Variants in CDH24 observed in about 807,000 individuals in gnomAD.
CDH24 encodes cadherin-24.
A neutral mutation model predicts 71.2 loss-of-function variants in CDH24; 61 were observed. The ratio of observed to expected loss-of-function variants is 0.86; its 90% CI spans 0.70 to 1.06. CDH24 has a LOEUF of 1.06. Ranked by LOEUF, CDH24 falls within the 50% of genes least tolerant of loss-of-function variation. CDH24 has a pLI of 0.00. For missense variants in CDH24, 961 were observed against 1,083.7 expected, an observed-to-expected ratio of 0.89 and a Z score of 1.59; for synonymous variants, 440 against 470.2, an observed-to-expected ratio of 0.94 and a Z score of 0.83.
chr14:23,054,992 G>C lies in CDH24; in HGVS notation c.496+67C>G. On this transcript the variant is annotated intron_variant, in intron 3 of 12. Transcript: ENST00000487137. The surrounding 1 kb of genome is among the most constrained non-coding windows in gnomAD (Gnocchi z 5.2). ...GGGCAGGTTCTGGGGCAGACAACAA[G>C]AAGGGAAGGAGAGGTGAGAGAGCTC... 1 of 1,589,902 alleles carries C rather than the reference G, an allele frequency of 6.3e-7. No individual in the cohort carries two copies.
rs761688751 is a variant in CDH24, at chr14:23,054,724, G to A, written c.616+23C>T. Reference sequence around the variant, plus strand: ...TGTCTGTCCCCTTGGCTGCCCCACCGGGCTCCCAGGCTCCATCCTCACCAG... The same window carrying A: ...TGTCTGTCCCCTTGGCTGCCCCACCAGGCTCCCAGGCTCCATCCTCACCAG... On this transcript the variant is annotated intron_variant, in intron 4 of 12. Transcript: ENST00000487137. The surrounding 1 kb of genome is among the most constrained non-coding windows in gnomAD (Gnocchi z 5.2). 5.0e-6 allele frequency: 8 copies of A among 1,613,896 alleles called. No individual in the cohort carries two copies. The highest frequency in any genetic ancestry group is 4.5e-5 in the East Asian group (2 of 44,892).
In CDH24 at chr14:23,048,071, G is replaced by GC. The variant is rs766349037; in HGVS notation, c.2254dup (p.Ala752GlyfsTer105). On this transcript the variant is annotated frameshift_variant, in exon 12 of 13. Coordinates refer to ENST00000487137, the MANE Select transcript of CDH24 (RefSeq NM_144985.4). LOFTEE classifies it high-confidence loss of function. ...GTCCAGCGGCTCCGCGGGGCCGGGG[G>GC]CGCCGCCGGCTTCGCTGCCGGAGCC... 2.8e-6 allele frequency: 4 copies of GC among 1,426,710 alleles called. No homozygotes were observed. In the South Asian group the frequency reaches 5.5e-5, roughly 20 times the overall value. The allele number at this position is 1,426,710 out of a possible 1,614,324, so 88.4% of individuals were successfully genotyped here.
chr14:23,052,239 C>A, intron 8 of CDH24: 1 of 719,876 alleles, frequency 1.4e-6, no homozygotes, highest in South Asian at 1.5e-5. Context: ...CCCAGCCCAG[C>A]CTAGGGGACT....
chr14:23,047,877 G>C lies in CDH24; in HGVS notation c.*103C>G. On this transcript the variant is annotated 3_prime_UTR_variant, in exon 12 of 13. Coordinates refer to ENST00000487137, the MANE Select transcript of CDH24 (RefSeq NM_144985.4). ...GGACACAAGGACAGGGAGGAGGCCT[G>C]GGGCCCCTGGGCTGCTGCCGCCCGC... is the stretch of plus-strand genomic sequence containing the variant. 2.2e-6 allele frequency: 2 copies of C among 894,406 alleles called. No homozygotes were observed. The highest frequency in any genetic ancestry group is 3.0e-6 in the Non-Finnish European group (2 of 676,612). 55.4% of individuals were successfully genotyped at this position (894,406 alleles called of 1,614,324 possible).
At position 23,049,015 on chromosome 14, in the gene CDH24, G is replaced by T; in HGVS notation, c.1846+12C>A. The T allele has an allele frequency of 6.2e-7, 1 of 1,609,954 alleles. No homozygotes were observed. The highest frequency in any genetic ancestry group is 1.1e-5 in the South Asian group (1 of 90,632). ...AGATCGCACAGCTATGTACCACTGT[G>T]GCCTGACTCACCAAGCAGGGCACCC... On this transcript the variant is annotated intron_variant, in intron 11 of 12. Transcript: ENST00000487137.
At chr14:23,049,396 C>A in intron 10 of CDH24, 121 bp from the exon 11 acceptor site, 1 of 952,144 alleles carries the variant, frequency 1.1e-6, no homozygotes, top group Admixed American at 2.6e-5. Context: ...ATAGGTCCAG[C>A]CCATAGAGCC....
At position 23,047,613 on chromosome 14, in the gene CDH24, T is replaced by G. The variant is rs914773701; in HGVS notation, c.*367A>C. 2 of 180,144 alleles carry G rather than the reference T, an allele frequency of 1.1e-5. No homozygotes were observed. 11.2% of individuals were successfully genotyped at this position (180,144 alleles called of 1,614,324 possible). A position where few individuals can be genotyped will look rare whatever the true frequency, so the allele number is the denominator to read the frequency against. Reference sequence around the variant, plus strand: ...GGGCAGGAGACAGACACAGAGCATGTGTATGGGCAAGGAAGACGCAGGGAG... The same window carrying G: ...GGGCAGGAGACAGACACAGAGCATGGGTATGGGCAAGGAAGACGCAGGGAG... On this transcript the variant is annotated 3_prime_UTR_variant, in exon 12 of 13. Transcript: ENST00000487137.
rs1005847331 is a variant in CDH24, at chr14:23,051,197, A to G, written c.1364-1254T>C. Among the ~76,000 whole-genome samples, 5 of 152,210 alleles carry G rather than the reference A, an allele frequency of 3.3e-5. No homozygotes were observed. The highest frequency in any genetic ancestry group is 1.2e-4 in the African/African-American group (5 of 41,450). ...TATGCACACAGTTGCATGTATAGAA[A>G]CATAAACCTAGACACATAGCATTAA... is the stretch of plus-strand genomic sequence containing the variant. On this transcript the variant is annotated intron_variant, in intron 8 of 12. Transcript: ENST00000487137. The surrounding 1 kb of genome is among the most constrained non-coding windows in gnomAD (Gnocchi z 4.4).
Position 23,055,527 on chromosome 14 carries a change from C to T in CDH24, c.201+6G>A, listed in dbSNP as rs1458833615. On this transcript the variant is annotated splice_donor_region_variant and intron_variant, in intron 2 of 12. Transcript: ENST00000487137. The surrounding 1 kb of genome is among the most constrained non-coding windows in gnomAD (Gnocchi z 4.1). ...TCAGAGTAGACATGGGAGGGGTCAT[C>T]CTTACCTTGCCAATGAGAACAGGCT... 4 of 1,613,572 alleles carry T rather than the reference C, an allele frequency of 2.5e-6. No individual in the cohort carries two copies. The Admixed American group carries it at 6.7e-5, about 27-fold the overall frequency.
At position 23,055,660 on chromosome 14, in the gene CDH24, G is replaced by A; in HGVS notation, c.74C>T (p.Ala25Val). The change falls in exon 2 of 13, where the codon GCC becomes GTC. Residue 25 changes from alanine to valine, a missense_variant. Physicochemically the swap from Ala to Val is moderately conservative, Grantham distance 64. Around this residue, in one of 2 missense-constraint regions of CDH24, gnomAD observed 671 missense variants for 810.9 expected, o/e 0.83. Transcript: ENST00000487137. The surrounding 1 kb of genome is among the most constrained non-coding windows in gnomAD (Gnocchi z 4.1). The stretch of plus-strand genomic sequence containing the variant: ...TTCCCGGGACCCTGCCCAGGCCCGG[G>A]CTGGGGCTGCCAGACGCCCCATGCA... ...WGCMGRLAAP[A>V]RAWAGSREHP... The A allele has an allele frequency of 6.2e-7, 1 of 1,608,880 alleles. No homozygotes were observed. Among genetic ancestry groups the A allele is most frequent in the Non-Finnish European group, 8.5e-7 (1 of 1,178,314 alleles).
Position 23,055,115 on chromosome 14 carries a change from G to A in CDH24, c.440C>T (p.Pro147Leu), listed in dbSNP as rs1297289313. The change falls in exon 3 of 13, where the codon CCA (proline) becomes CTA (leucine). Residue 147 changes from proline to leucine, a missense_variant. Coordinates refer to ENST00000487137, the MANE Select transcript of CDH24 (RefSeq NM_144985.4). The surrounding 1 kb of genome is among the most constrained non-coding windows in gnomAD (Gnocchi z 4.1). Reference sequence around the variant, plus strand: ...GTAGGGCCCAAGGGGAAAAATGGGTGGATTGTCGTTGATGTCTTGCACTTT... The same window carrying A: ...GTAGGGCCCAAGGGGAAAAATGGGTAGATTGTCGTTGATGTCTTGCACTTT... ...IIKVQDINDN[P>L]PIFPLGPYHA... 1.2e-6 allele frequency: 2 copies of A among 1,614,012 alleles called. No homozygotes were observed. Among genetic ancestry groups the A allele is most frequent in the Non-Finnish European group, 1.7e-6 (2 of 1,179,956 alleles).
At chr14:23,053,845 G>T in intron 6 of CDH24, 96 bp from the exon 7 acceptor site, 2 of 1,235,552 alleles carry the variant, frequency 1.6e-6, no homozygotes, top group Non-Finnish European at 2.2e-6. Flanking sequence ...TCACATGCAT[G>T]CAGTGCTCAG....
In CDH24 at chr14:23,048,254, G is replaced by A. The variant is rs1413710430; in HGVS notation, c.2072C>T (p.Ser691Leu). Reference sequence around the variant, plus strand: ...GGGGCCGGGGGGTCTGGGCTGGCGCGACACCCGGGCCCGGGGCAACACGTC... The same window carrying A: ...GGGGCCGGGGGGTCTGGGCTGGCGCAACACCCGGGCCCGGGGCAACACGTC... ...RRDVLPRARV[S>L]RQPRPPGPAD... Residue 691 changes from serine (S) to leucine (L), a missense_variant, in exon 12 of 13, where the codon TCG becomes TTG. Ser to Leu is a moderately radical substitution (Grantham distance 145). Around this residue, in one of 2 missense-constraint regions of CDH24, gnomAD observed 290 missense variants for 272.8 expected, o/e 1.06. Transcript: ENST00000487137. The A allele has an allele frequency of 7.0e-7, 1 of 1,419,534 alleles. No homozygotes were observed. Among genetic ancestry groups the A allele is most frequent in the Non-Finnish European group, 9.1e-7 (1 of 1,094,150 alleles). The allele number at this position is 1,419,534 out of a possible 1,614,324, so 87.9% of individuals were successfully genotyped here. A position where few individuals can be genotyped will look rare whatever the true frequency, so the allele number is the denominator to read the frequency against.
At chr14:23,052,161 T>A in intron 8 of CDH24, 1 of 874,982 alleles carries the variant, frequency 1.1e-6, no homozygotes. Context: ...TATTTCTGGG[T>A]TGGGGCAAGT....
intron 8 of CDH24, chr14:23,052,268 C>A: frequency 1.4e-6 from 1 of 739,416 alleles, no homozygotes; most frequent in Non-Finnish European, 2.3e-6. Context: ...AGGAGGCCCG[C>A]CCTGCCTGGT....
In CDH24 at chr14:23,054,312, G is replaced by A. The variant is rs1318738805; in HGVS notation, c.801C>T (p.Ser267=). Reference sequence around the variant, plus strand: ...TGCCAGGTCCAGCTGTCTCCACCACGGAGAACTGGTATAGGCCTTGGGATG... The same window carrying A: ...TGCCAGGTCCAGCTGTCTCCACCACAGAGAACTGGTATAGGCCTTGGGATG... ...PKFPQSLYQF[S]VVETAGPGTL... is the part of the protein sequence containing the mutation. The change falls in exon 6 of 13, where the codon TCC becomes TCT. Residue 267 remains serine (S), a synonymous_variant. Coordinates refer to ENST00000487137, the MANE Select transcript of CDH24 (RefSeq NM_144985.4). The surrounding 1 kb of genome is among the most constrained non-coding windows in gnomAD (Gnocchi z 5.2). 3.1e-6 allele frequency: 5 copies of A among 1,604,984 alleles called. No individual in the cohort carries two copies. Among genetic ancestry groups the A allele is most frequent in the Non-Finnish European group, 4.3e-6 (5 of 1,174,508 alleles).
chr14:23,047,994 G>C lies in CDH24; in HGVS notation c.2332C>G (p.Pro778Ala). The change falls in exon 12 of 13, where the codon CCC (proline) becomes GCC (alanine). Residue 778 changes from proline (P) to alanine (A), a missense_variant. Coordinates refer to ENST00000487137, the MANE Select transcript of CDH24 (RefSeq NM_144985.4). ...AGCCCGGGCGCTCAGGGGGCCGGGG[G>C]CTCCTTGGCCCCATACAGCTCGGCC... ...TLAELYGAKE[P>A]PAP 1 of 1,372,140 alleles carries C rather than the reference G, an allele frequency of 7.3e-7. No homozygotes were observed. Among genetic ancestry groups the C allele is most frequent in the Non-Finnish European group, 9.4e-7 (1 of 1,067,304 alleles). The allele number at this position is 1,372,140 out of a possible 1,614,324, so 85.0% of individuals were successfully genotyped here.
rs777180967 is a variant in CDH24, at chr14:23,055,650, C to G, written c.84G>C (p.Trp28Cys). ...GCCCTGGGTGTTCCCGGGACCCTGC[C>G]CAGGCCCGGGCTGGGGCTGCCAGAC... ...MGRLAAPARAWAGSREHPGPA... is the reference protein window; with the variant it reads ...MGRLAAPARACAGSREHPGPA... Residue 28 changes from tryptophan to cysteine, a missense_variant, in exon 2 of 13, where the codon TGG (tryptophan) becomes TGC (cysteine). Transcript: ENST00000487137. This position sits in a 1 kb window ranked among gnomAD's most constrained non-coding sequence, Gnocchi z 4.1. 6.2e-7 allele frequency: 1 copy of G among 1,611,074 alleles called. No homozygotes were observed. The highest frequency in any genetic ancestry group is 1.1e-5 in the South Asian group (1 of 90,818).
At chr14:23,050,277 T>G (rs2047076435) in intron 8 of CDH24, 1 of 228,874 alleles carries the variant, frequency 4.4e-6, no homozygotes, top group Non-Finnish European at 8.6e-6. Context: ...ACGAGTTGCA[T>G]GCAGACAACA....
Sources: allele counts gnomAD v4.1 joint callset (sites outside exome capture counted in the v4.1 genomes callset), GRCh38; gene constraint gnomAD v4.1.1; regional missense constraint gnomAD v4.1.1; non-coding constraint Gnocchi (gnomAD v3.1); transcripts MANE v1.5; gene names NCBI Gene and HGNC (gene_info 2026-07-23, HGNC 2026-07-21).